HAPLN1: variants seen among roughly 807,000 people sequenced by gnomAD.
HAPLN1 encodes Cartilage link protein.
Under a neutral mutation model 36.5 loss-of-function variants are expected in HAPLN1, and 13 were observed. The ratio of observed to expected loss-of-function variants is 0.36; its 90% CI spans 0.23 to 0.57. HAPLN1 has a LOEUF of 0.57. Among genes scored for constraint, HAPLN1 ranks in the 20% least tolerant of loss-of-function variants. The pLI, the probability that HAPLN1 is intolerant of heterozygous loss-of-function variation, is 0.83. For synonymous variants in HAPLN1, 202 were observed against 169.8 expected (o/e 1.19, Z -1.48); for missense variants, 407 against 439.7 (o/e 0.93, Z 0.66).
chr5:83,697,737 G>T (rs767410744), intron 1 of HAPLN1, among the ~76,000 whole-genome samples: 17 of 152,004 alleles, frequency 1.1e-4, no homozygotes, highest in Non-Finnish European at 2.2e-4. Flanking sequence ...ATCCTAGTGG[G>T]TATGAAGTGA....
intron 1 of HAPLN1, among the ~76,000 whole-genome samples, chr5:83,705,542 AACAT>A (rs1383491198): frequency 1.3e-5 from 2 of 152,226 alleles, no homozygotes; most frequent in Non-Finnish European, 2.9e-5. Context: ...ACAAAGACAT[AACAT>A]ACCAGAATTT....
At chr5:83,705,894 T>A (rs1751635319) in intron 1 of HAPLN1, among the ~76,000 whole-genome samples, 2 of 151,852 alleles carry the variant, frequency 1.3e-5, no homozygotes, top group South Asian at 4.2e-4. Context: ...AAAGAGGATG[T>A]TACCACTGAC....
intron 4 of HAPLN1, among the ~76,000 whole-genome samples, chr5:83,642,813 T>C (rs1749739609): frequency 6.6e-6 from 1 of 152,212 alleles, no homozygotes. Context: ...AGTACAATCA[T>C]CTACACCAGA....
intron 1 of HAPLN1, among the ~76,000 whole-genome samples, chr5:83,702,741 G>A (rs1467179885): frequency 1.1e-5 from 1 of 87,414 alleles, no homozygotes; most frequent in Non-Finnish European, 2.6e-5. Flanking sequence ...TCCCCCAACA[G>A]TTTTCCTTTT....
intron 1 of HAPLN1, among the ~76,000 whole-genome samples, chr5:83,697,236 G>A (rs1361180912): frequency 6.6e-6 from 1 of 152,036 alleles, no homozygotes; most frequent in African/African-American, 2.4e-5. Context: ...AAATCATCTA[G>A]AATAGGCAAA....
At chr5:83,713,051 T>C (rs1164661880) in intron 1 of HAPLN1, among the ~76,000 whole-genome samples, 1 of 152,180 alleles carries the variant, frequency 6.6e-6, no homozygotes, top group African/African-American at 2.4e-5. Flanking sequence ...TATGGTAAGC[T>C]AAACAACATG....
rs1750097500 is a variant in HAPLN1, at chr5:83,652,540, G to C, written c.385C>G (p.Leu129Val). The C allele has an allele frequency of 6.2e-7, 1 of 1,613,986 alleles. No homozygotes were observed. Among genetic ancestry groups the C allele is most frequent in the Non-Finnish European group, 8.5e-7 (1 of 1,179,992 alleles). ...TATCTCCCATAATCTTCCAGAGTGAGGTCTGTGATGACCAGAGAAGCATCA... is the reference window on the plus strand; with the variant it reads ...TATCTCCCATAATCTTCCAGAGTGACGTCTGTGATGACCAGAGAAGCATCA... ...DSDASLVITDLTLEDYGRYKC... is the reference protein window; with the variant it reads ...DSDASLVITDVTLEDYGRYKC... The change falls in exon 3 of 5, where the codon CTC (leucine) becomes GTC (valine). Residue 129 changes from leucine (L) to valine (V), a missense_variant. Transcript: ENST00000274341.
intron 1 of HAPLN1, among the ~76,000 whole-genome samples, chr5:83,718,028 G>A (rs1028130351): frequency 2.6e-5 from 4 of 152,098 alleles, no homozygotes; most frequent in Non-Finnish European, 4.4e-5. Context: ...TCTATTTCAG[G>A]AACAGTGATT....
intron 1 of HAPLN1, among the ~76,000 whole-genome samples, chr5:83,715,502 C>T (rs1751897125): frequency 6.6e-6 from 1 of 152,174 alleles, no homozygotes; most frequent in Non-Finnish European, 1.5e-5. Context: ...CTGTCTCCTC[C>T]ACTGGTTTGT....
chr5:83,707,495 A>G (rs1244763325), intron 1 of HAPLN1, among the ~76,000 whole-genome samples: 5 of 152,236 alleles, frequency 3.3e-5, no homozygotes, highest in African/African-American at 4.8e-5. Context: ...AAGACTCCCT[A>G]TACAATAAGT....
At chr5:83,682,588 T>G (rs1030184733) in intron 1 of HAPLN1, 1 of 152,198 alleles carries the variant, frequency 6.6e-6, no homozygotes, top group Non-Finnish European at 1.5e-5. Flanking sequence ...CCAAGATCCT[T>G]ACGAAAGTTT....
chr5:83,707,031 G>T (rs1280021770), intron 1 of HAPLN1, among the ~76,000 whole-genome samples: 1 of 152,164 alleles, frequency 6.6e-6, no homozygotes, highest in East Asian at 1.9e-4. Flanking sequence ...GGAGGTGAAA[G>T]ATTCCTATGG....
intron 1 of HAPLN1, 146 bp downstream of exon 1, chr5:83,720,643 C>T (rs1290005870): frequency 6.6e-6 from 1 of 152,088 alleles, no homozygotes; most frequent in African/African-American, 2.4e-5. Context: ...GTTGAGGTGT[C>T]ATATTAAATT....
At chr5:83,658,862 G>T (rs1220099803) in intron 2 of HAPLN1, among the ~76,000 whole-genome samples, 1 of 152,136 alleles carries the variant, frequency 6.6e-6, no homozygotes, top group Non-Finnish European at 1.5e-5. Flanking sequence ...GTTTTAGCTT[G>T]CTTCCCCAGC....
Position 83,713,947 on chromosome 5 carries a change from A to G in HAPLN1, c.-27+6842T>C, listed in dbSNP as rs184011434. On this transcript the variant is annotated intron_variant, in intron 1 of 4. Coordinates refer to ENST00000274341, the MANE Select transcript of HAPLN1 (RefSeq NM_001884.4). ...TTAATTTTATACTGTAGTGATTATC[A>G]TTTACATCTTAAAAGAGTTTATAAA... is the stretch of plus-strand genomic sequence containing the variant. Among the ~76,000 whole-genome samples, 49 of 152,302 alleles carry G rather than the reference A, an allele frequency of 3.2e-4. No homozygotes were observed. In the East Asian group the frequency reaches 8.9e-3, roughly 28 times the overall value.
intron 2 of HAPLN1, among the ~76,000 whole-genome samples, chr5:83,660,496 C>A (rs1741418097): frequency 6.6e-6 from 1 of 152,038 alleles, no homozygotes; most frequent in Non-Finnish European, 1.5e-5. Flanking sequence ...CATCACGAGG[C>A]CCCAAGGAGC....
chr5:83,666,180 T>C (rs1750545892), intron 2 of HAPLN1, among the ~76,000 whole-genome samples: 1 of 152,178 alleles, frequency 6.6e-6, no homozygotes, highest in African/African-American at 2.4e-5. Context: ...TCCAAAATGG[T>C]AATTTTCCAC....
At chr5:83,718,415 C>G (rs540216451) in intron 1 of HAPLN1, among the ~76,000 whole-genome samples, 2 of 152,238 alleles carry the variant, frequency 1.3e-5, no homozygotes, top group East Asian at 3.9e-4. Context: ...AGGGACCATG[C>G]TTCACACAGT....
chr5:83,681,010 T>C (rs1365759270), intron 1 of HAPLN1, among the ~76,000 whole-genome samples: 2 of 152,196 alleles, frequency 1.3e-5, no homozygotes, highest in African/African-American at 4.8e-5. Flanking sequence ...TTAATGGGTA[T>C]GCTTGTTAGA....
Sources: allele counts gnomAD v4.1 joint callset (sites outside exome capture counted in the v4.1 genomes callset), GRCh38; gene constraint gnomAD v4.1.1; transcripts MANE v1.5; gene names NCBI Gene and HGNC (gene_info 2026-07-23, HGNC 2026-07-21).